Variants in DPP10 observed in about 807,000 individuals in gnomAD.
DPP10 encodes inactive dipeptidyl peptidase 10.
Under a neutral mutation model 120.9 loss-of-function variants are expected in DPP10, and 33 were observed. The observed-to-expected ratio is 0.27, with a 90% CI of 0.21 to 0.37. The LOEUF (loss-of-function observed/expected upper bound fraction) is 0.37. Ranked by LOEUF, DPP10 falls within the 10% of genes least tolerant of loss-of-function variation. The pLI, the probability that DPP10 is intolerant of heterozygous loss-of-function variation, is 1.00. For missense variants in DPP10, 816 were observed against 942.8 expected (o/e 0.87, Z 1.76); for synonymous variants, 337 against 326.1 (o/e 1.03, Z -0.36).
At chr2:115,779,608 A>C (rs1025186418) in intron 15 of DPP10, among the ~76,000 whole-genome samples, 3 of 152,036 alleles carry the variant, frequency 2.0e-5, no homozygotes, top group Admixed American at 6.6e-5. Context: ...AGAGAGAAAA[A>C]GGTTTTAAAT....
rs141959703 is a variant in DPP10 at position 115,166,273 on chromosome 2, A to G, written c.61-142966A>G. 6.3e-3 allele frequency among the ~76,000 whole-genome samples: 956 copies of G among 152,098 alleles called. 7 individuals carry two copies. Among genetic ancestry groups the G allele is most frequent in the Non-Finnish European group, 9.8e-3 (663 of 67,954 alleles). ...ATTGTTTTTAAAACACAACCATGAA[A>G]AGAGCTTTCATAAATCATATTGAAA... On this transcript the variant is annotated intron_variant, in intron 1 of 25. Coordinates refer to ENST00000410059, the MANE Select transcript of DPP10 (RefSeq NM_020868.6).
At chr2:115,366,138 A>C (rs1385004541) in intron 3 of DPP10, among the ~76,000 whole-genome samples, 1 of 151,914 alleles carries the variant, frequency 6.6e-6, no homozygotes, top group African/African-American at 2.4e-5. Flanking sequence ...ATATTATTGA[A>C]ATAATATTTT....
intron 1 of DPP10, among the ~76,000 whole-genome samples, chr2:115,213,111 A>T (rs549529005): frequency 6.6e-6 from 1 of 152,312 alleles, no homozygotes; most frequent in Non-Finnish European, 1.5e-5. Flanking sequence ...AAACTGTGAT[A>T]GTAGAAAATT....
chr2:115,807,754 A>G (rs1686169473), intron 19 of DPP10, among the ~76,000 whole-genome samples: 1 of 151,898 alleles, frequency 6.6e-6, no homozygotes, highest in Non-Finnish European at 1.5e-5. Flanking sequence ...AAAAGATTCA[A>G]TTTTATTAAT....
chr2:115,416,355 C>T (rs1053348704), intron 3 of DPP10, among the ~76,000 whole-genome samples: 1 of 152,076 alleles, frequency 6.6e-6, no homozygotes, highest in Non-Finnish European at 1.5e-5. Flanking sequence ...ATATTTTGAT[C>T]AGTTGCTAAT....
At chr2:114,897,453 T>G (rs1174355637) in intron 1 of DPP10, among the ~76,000 whole-genome samples, 1 of 152,136 alleles carries the variant, frequency 6.6e-6, no homozygotes, top group African/African-American at 2.4e-5. Context: ...ACTTCATGTC[T>G]AAAGCACCAA....
rs191103981 is a variant in DPP10, at chr2:115,706,390, A to G, written c.576+16469A>G. On this transcript the variant is annotated intron_variant, in intron 7 of 25. Coordinates refer to ENST00000410059, the MANE Select transcript of DPP10 (RefSeq NM_020868.6). Reference sequence around the variant, plus strand: ...TGGCACGTCTTGTTTCATCCTGCTCATAACATAATATTAAATATTAAATTG... The same window carrying G: ...TGGCACGTCTTGTTTCATCCTGCTCGTAACATAATATTAAATATTAAATTG... 1.2e-3 allele frequency among the ~76,000 whole-genome samples: 180 copies of G among 152,092 alleles called. 5 individuals carry two copies. The East Asian group carries it at 0.028, about 23-fold the overall frequency.
At chr2:114,788,391 T>G (rs773929183) in intron 1 of DPP10, among the ~76,000 whole-genome samples, 3 of 151,854 alleles carry the variant, frequency 2.0e-5, no homozygotes, top group Non-Finnish European at 4.4e-5. Context: ...GTAGTTGAAT[T>G]ATTGCACATG....
intron 19 of DPP10, among the ~76,000 whole-genome samples, chr2:115,805,974 A>G (rs1454153354): frequency 2.6e-5 from 4 of 152,164 alleles, no homozygotes; most frequent in Non-Finnish European, 5.9e-5. Context: ...CCCTTGAGGG[A>G]CAGAACTGAT....
At chr2:115,821,342 T>A (rs887465182) in intron 21 of DPP10, among the ~76,000 whole-genome samples, 1 of 152,124 alleles carries the variant, frequency 6.6e-6, no homozygotes, top group African/African-American at 2.4e-5. Flanking sequence ...TTGTTTTTAT[T>A]GGCCAAGTTT....
At chr2:114,905,079 G>A (rs1015941337) in intron 1 of DPP10, among the ~76,000 whole-genome samples, 1 of 152,062 alleles carries the variant, frequency 6.6e-6, no homozygotes, top group African/African-American at 2.4e-5. Flanking sequence ...GTTTATTGCT[G>A]GAATTAGATA....
intron 1 of DPP10, among the ~76,000 whole-genome samples, chr2:115,042,367 A>G (rs551642989): frequency 3.7e-4 from 56 of 152,114 alleles, no homozygotes; most frequent in Non-Finnish European, 7.9e-4. Context: ...CACGGGTTCA[A>G]GTGAGTTTCG....
intron 4 of DPP10, among the ~76,000 whole-genome samples, chr2:115,515,520 C>T (rs755850977): frequency 2.4e-4 from 36 of 152,048 alleles, no homozygotes; most frequent in Non-Finnish European, 4.7e-4. Flanking sequence ...AATTCCTGTG[C>T]ATAAGTCTTT....
chr2:115,562,190 C>G (rs937861366), intron 5 of DPP10, among the ~76,000 whole-genome samples: 1 of 152,186 alleles, frequency 6.6e-6, no homozygotes, highest in Non-Finnish European at 1.5e-5. Context: ...AATCCTTCCC[C>G]CTTTTCATTG....
At chr2:114,913,631 A>G (rs1694553540) in intron 1 of DPP10, among the ~76,000 whole-genome samples, 1 of 152,204 alleles carries the variant, frequency 6.6e-6, no homozygotes, top group African/African-American at 2.4e-5. Flanking sequence ...ATGAGGAAGA[A>G]CCAACATAAG....
chr2:115,620,503 G>A (rs2084864837), intron 5 of DPP10, among the ~76,000 whole-genome samples: 1 of 152,180 alleles, frequency 6.6e-6, no homozygotes, highest in African/African-American at 2.4e-5. Flanking sequence ...AGCCTGCAAA[G>A]CACCATCAAT....
At chr2:114,536,136 C>T (rs571481885) in intron 1 of DPP10, among the ~76,000 whole-genome samples, 28 of 152,240 alleles carry the variant, frequency 1.8e-4, no homozygotes, top group Admixed American at 1.4e-3. Context: ...CCTGCATCGA[C>T]ATGGTTTGCC....
chr2:114,472,522 G>A (rs1367498869), intron 1 of DPP10, among the ~76,000 whole-genome samples: 3 of 152,280 alleles, frequency 2.0e-5, no homozygotes, highest in East Asian at 1.9e-4. Flanking sequence ...TTTAAGGGGG[G>A]TTAGTGCGAG....
chr2:115,086,944 G>A (rs1708758405), intron 1 of DPP10, among the ~76,000 whole-genome samples: 1 of 152,038 alleles, frequency 6.6e-6, no homozygotes, highest in South Asian at 2.1e-4. Context: ...GACTATTTTC[G>A]TCAACATATA....
Sources: gnomAD v4.1 joint callset for allele counts (sites outside exome capture counted in the v4.1 genomes callset) on GRCh38, gnomAD v4.1.1 for gene constraint, MANE v1.5 for transcripts, NCBI Gene and HGNC (gene_info 2026-07-23, HGNC 2026-07-21) for gene names.